Variants in MACF1 observed in about 807,000 individuals in gnomAD.
MACF1 encodes microtubule-actin cross-linking factor 1.
A neutral mutation model predicts 854.8 loss-of-function variants in MACF1; 193 were observed. The ratio of observed to expected loss-of-function variants is 0.23; its 90% CI spans 0.20 to 0.25. The LOEUF (loss-of-function observed/expected upper bound fraction) is 0.25, where lower values mean the gene tolerates loss of function less well. Ranked by LOEUF, MACF1 falls within the 10% of genes least tolerant of loss-of-function variation. The probability of loss-of-function intolerance (pLI) is 1.00; values close to 1 mark genes in which losing one functional copy is unlikely to be tolerated. For synonymous variants in MACF1, 3,185 were observed against 3,226.7 expected, an observed-to-expected ratio of 0.99 and a Z score of 0.44; for missense variants, 7,722 against 8,929.1, an observed-to-expected ratio of 0.86 and a Z score of 5.45.
At chr1:39,126,422 T>A (rs541345117) in intron 2 of MACF1, among the ~76,000 whole-genome samples, 13 of 152,332 alleles carry the variant, frequency 8.5e-5, no homozygotes, top group Non-Finnish European at 1.8e-4. Flanking sequence ...AAAGACCCTA[T>A]TTCCAGATAA....
At position 39,349,552 on chromosome 1, in the gene MACF1, A is replaced by G. The variant is rs1206192100; in HGVS notation, c.10890A>G (p.Arg3630=). The G allele has an allele frequency of 6.2e-7, 1 of 1,614,108 alleles. No homozygotes were observed. Among genetic ancestry groups the G allele is most frequent in the African/African-American group, 1.3e-5 (1 of 74,938 alleles). ...GCAGTTGGGTAGGACAGGCAGAAAG[A>G]GCACTGGCAGGCCACCAAGGCAGAA... ...DLCSWVGQAE[R]ALAGHQGRTT... is the part of the protein sequence containing the mutation. Residue 3630 remains arginine (R), a synonymous_variant, in exon 42 of 101, where the codon AGA becomes AGG. Coordinates refer to ENST00000564288, the MANE Select transcript of MACF1 (RefSeq NM_001394062.1).
At chr1:39,437,406 G>A (rs1392248872) in intron 70 of MACF1, among the ~76,000 whole-genome samples, 1 of 151,910 alleles carries the variant, frequency 6.6e-6, no homozygotes, top group Non-Finnish European at 1.5e-5. Flanking sequence ...TGCCTCTCGG[G>A]TTCAAGTGAT....
chr1:39,116,763 A>G (rs1642557611), intron 2 of MACF1, among the ~76,000 whole-genome samples: 1 of 152,230 alleles, frequency 6.6e-6, no homozygotes, highest in African/African-American at 2.4e-5. Context: ...ACTTTTGGAC[A>G]GGACATCTTG....
intron 97 of MACF1, among the ~76,000 whole-genome samples, chr1:39,469,985 A>C (rs142394889): frequency 6.6e-6 from 1 of 152,326 alleles, no homozygotes; most frequent in East Asian, 1.9e-4. Context: ...AAGACAAACA[A>C]CTAGTAAATG....
intron 85 of MACF1, 96 bp from the exon 86 acceptor site, chr1:39,452,060 A>G: frequency 8.9e-7 from 1 of 1,119,218 alleles, no homozygotes; most frequent in Admixed American, 2.3e-5. Flanking sequence ...TAAAAGACAC[A>G]TGATTAGAAC....
chr1:39,260,643 C>G (rs1296797266), intron 6 of MACF1: 2 of 152,138 alleles, frequency 1.3e-5, no homozygotes, highest in Non-Finnish European at 2.9e-5. Context: ...CAGGCGTGAG[C>G]CACCACACGC....
chr1:39,291,872 C>T (rs1167276108), intron 15 of MACF1, 38 bp from the exon 16 acceptor site: 10 of 1,591,988 alleles, frequency 6.3e-6, no homozygotes, highest in Non-Finnish European at 7.7e-6. Flanking sequence ...ACCAAGCCAG[C>T]AGTAAATTAT....
At chr1:39,336,720 T>G (rs1207442155) in intron 37 of MACF1, 67 bp downstream of exon 37, 6 of 1,418,748 alleles carry the variant, frequency 4.2e-6, no homozygotes, top group Admixed American at 2.7e-5. Flanking sequence ...AATTCTTAAC[T>G]GGGTACAGAG....
chr1:39,398,135 A>G (rs1055414726), intron 58 of MACF1, among the ~76,000 whole-genome samples: 1 of 136,476 alleles, frequency 7.3e-6, no homozygotes, highest in Non-Finnish European at 1.6e-5. Flanking sequence ...ACTCCCCGCC[A>G]CTCCTTTTTT....
At chr1:39,282,073 A>G (rs1303934465) in intron 6 of MACF1, 135 bp from the exon 7 acceptor site, 3 of 682,282 alleles carry the variant, frequency 4.4e-6, no homozygotes, top group Non-Finnish European at 7.1e-6. Context: ...GGGGGAATAT[A>G]TGTTGGAATA....
At chr1:39,459,814 A>G (rs1306999634) in intron 91 of MACF1, 2 of 1,303,776 alleles carry the variant, frequency 1.5e-6, no homozygotes, top group Non-Finnish European at 2.0e-6. Context: ...TGTGCATATC[A>G]AAGCAGCTAT....
At chr1:39,426,240 T>TA (rs551881636) in intron 61 of MACF1, among the ~76,000 whole-genome samples, 203 of 152,298 alleles carry the variant, frequency 1.3e-3, no homozygotes, top group Non-Finnish European at 2.4e-3. Context: ...GATTGCCACT[T>TA]AAAAAATATG....
In MACF1 at chr1:39,485,654, G is replaced by A; in HGVS notation, c.22528G>A (p.Ala7510Thr). 1 of 1,614,146 alleles carries A rather than the reference G, an allele frequency of 6.2e-7. No homozygotes were observed. The highest frequency in any genetic ancestry group is 8.5e-7 in the Non-Finnish European group (1 of 1,180,014). The change falls in exon 101 of 101, where the codon GCT (alanine) becomes ACT (threonine). Residue 7510 changes from alanine to threonine, a missense_variant. By Grantham distance (58) the Ala-to-Thr change is moderately conservative. Transcript: ENST00000564288. ...SDFDLLETQS[A>T]CSDTSESSAA... is the part of the protein sequence containing the mutation. ...CTTTGACCTCTTAGAGACGCAGTCT[G>A]CTTGTTCCGACACTTCAGAAAGCAG...
At chr1:39,298,361 A>G (rs973633060) in intron 21 of MACF1, among the ~76,000 whole-genome samples, 6 of 152,306 alleles carry the variant, frequency 3.9e-5, no homozygotes, top group Admixed American at 6.5e-5. Flanking sequence ...TTTTTCTCCA[A>G]TGAATTATTT....
In MACF1 at chr1:39,349,683, A is replaced by C. The variant is rs1051582167; in HGVS notation, c.10965+56A>C. ...AGTCTCGCTCTATCGCTTAGGCTGG[A>C]GTACAGTGGTGTTATCTTGGCTCAC... On this transcript the variant is annotated intron_variant, in intron 42 of 100. Transcript: ENST00000564288. 7 of 1,573,866 alleles carry C rather than the reference A, an allele frequency of 4.4e-6. No homozygotes were observed. The African/African-American group carries it at 6.7e-5, about 15-fold the overall frequency.
At chr1:39,337,755 TTGTGTTTTTTTGTGTGTG>T (rs966858136) in intron 38 of MACF1, among the ~76,000 whole-genome samples, 16 of 148,934 alleles carry the variant, frequency 1.1e-4, no homozygotes, top group Middle Eastern at 3.5e-3. Flanking sequence ...TGTTTGTTTT[TTGTGTTTTTTTGTGTGTG>T]TGTGTTTTTT....
chr1:39,260,355 T>C (rs1026748409), intron 6 of MACF1: 3 of 151,946 alleles, frequency 2.0e-5, no homozygotes, highest in African/African-American at 7.2e-5. Flanking sequence ...ATTATTTCTT[T>C]CTTTTTCTTT....
intron 58 of MACF1, among the ~76,000 whole-genome samples, chr1:39,404,783 C>T (rs1045527690): frequency 1.3e-5 from 2 of 152,164 alleles, no homozygotes; most frequent in Non-Finnish European, 2.9e-5. Flanking sequence ...TTGAGCCCAG[C>T]CAGAATTTGC....
At chr1:39,260,894 CCTACACACACAGAGAT>C (rs1317539041) in intron 6 of MACF1, among the ~76,000 whole-genome samples, 1 of 151,702 alleles carries the variant, frequency 6.6e-6, no homozygotes, top group African/African-American at 2.4e-5. Context: ...TTACTCTTTT[CCTACACACACAGAGAT>C]CTGTAAAATC....
Sources: allele counts gnomAD v4.1 joint callset (sites outside exome capture counted in the v4.1 genomes callset), GRCh38; gene constraint gnomAD v4.1.1; transcripts MANE v1.5; gene names NCBI Gene and HGNC (gene_info 2026-07-23, HGNC 2026-07-21).